TBL1X: variants seen among roughly 807,000 people sequenced by gnomAD.
TBL1X encodes F-box-like/WD repeat-containing protein TBL1X.
In TBL1X, 10 loss-of-function variants were observed where a neutral mutation model predicts 50.7. The ratio of observed to expected loss-of-function variants is 0.20; its 90% confidence interval spans 0.12 to 0.33. The LOEUF (loss-of-function observed/expected upper bound fraction) is 0.33. TBL1X is among the 10% of genes least tolerant of loss of function. The pLI is 1.00. For synonymous variants in TBL1X, 190 were observed against 214.7 expected, an observed-to-expected ratio of 0.88 and a Z score of 1.01; for missense variants, 340 against 504.4, an observed-to-expected ratio of 0.67 and a Z score of 3.12.
At chrX:9,626,133 A>G (rs1391309011) in intron 2 of TBL1X, among the ~76,000 whole-genome samples, 1 of 111,223 alleles carries the variant, frequency 9.0e-6, no homozygotes, top group Non-Finnish European at 1.9e-5. Context: ...CTCATGTAAC[A>G]CGAAGCATGA....
Position 9,653,621 on chromosome X carries a change from G to C in TBL1X, c.35G>C (p.Cys12Ser). 8.5e-7 allele frequency: 1 copy of C among 1,173,080 alleles called. No homozygotes were observed. The highest frequency in any genetic ancestry group is 1.1e-6 in the Non-Finnish European group (1 of 875,677). Residue 12 changes from cysteine (C) to serine (S), a missense_variant, in exon 4 of 18, where the codon TGC (cysteine) becomes TCC (serine). By Grantham distance (112) the Cys-to-Ser change is moderately radical. This residue lies in a region of TBL1X where 41 missense variants were observed against 48.6 expected (regional missense o/e 0.84). Transcript: ENST00000645353. ...CTCGCTGGCGCCTCTTCATCGTGCT[G>C]CCACCGCCCTGCAGGAAGAGGGGCC... ...TELAGASSSCCHRPAGRGAMQ... is the reference protein window; with the variant it reads ...TELAGASSSCSHRPAGRGAMQ...
intron 2 of TBL1X, among the ~76,000 whole-genome samples, chrX:9,561,746 C>T (rs1317522034): frequency 1.5e-4 from 17 of 111,792 alleles, no homozygotes; most frequent in Admixed American, 1.5e-3. Flanking sequence ...ATTTTTTTCC[C>T]TCTCTATAGA....
intron 5 of TBL1X, among the ~76,000 whole-genome samples, chrX:9,656,262 G>T (rs113403726): frequency 2.7e-5 from 3 of 112,251 alleles, no homozygotes; most frequent in African/African-American, 9.7e-5. Context: ...TCGACTTGTG[G>T]CATGGAATTT....
intron 2 of TBL1X, among the ~76,000 whole-genome samples, chrX:9,573,710 T>G (rs1328923387): frequency 3.6e-5 from 4 of 112,460 alleles, no homozygotes; most frequent in African/African-American, 1.3e-4. Context: ...GGCCGCAGAG[T>G]GGAGCTGGGC....
intron 2 of TBL1X, among the ~76,000 whole-genome samples, chrX:9,626,578 A>C (rs988698768): frequency 4.5e-5 from 5 of 112,354 alleles, no homozygotes; most frequent in African/African-American, 1.6e-4. Flanking sequence ...TTAATGAAAC[A>C]ATAGATTTCT....
intron 2 of TBL1X, among the ~76,000 whole-genome samples, chrX:9,544,546 A>G (rs185688625): frequency 3.6e-5 from 4 of 110,407 alleles, no homozygotes; most frequent in Non-Finnish European, 5.7e-5. Context: ...TTATTTTAAT[A>G]TTTTACTCAA....
intron 5 of TBL1X, among the ~76,000 whole-genome samples, chrX:9,660,015 T>C (rs2082888318): frequency 8.9e-6 from 1 of 112,450 alleles, no homozygotes; most frequent in Non-Finnish European, 1.9e-5. Context: ...GCCGTTGGTC[T>C]AACCTTCTGC....
intron 1 of TBL1X, among the ~76,000 whole-genome samples, chrX:9,493,907 T>A (rs986730884): frequency 1.8e-5 from 2 of 112,131 alleles, no homozygotes; most frequent in African/African-American, 6.5e-5. Flanking sequence ...CCTGATGCTG[T>A]CCCTAACCAC....
Position 9,470,305 on chromosome X carries a change from C to G in TBL1X, c.-201+4858C>G, listed in dbSNP as rs964377537. On this transcript the variant is annotated intron_variant, in intron 1 of 17. Transcript: ENST00000645353. ...TCTTTTATTTTGAGACGGAGTCTCA[C>G]TATGTCGCCCAGGGTAGAGTGCGGT... is the stretch of plus-strand genomic sequence containing the variant. 3.5e-5 allele frequency among the ~76,000 whole-genome samples: 4 copies of G among 113,020 alleles called. No homozygotes were observed. The East Asian group carries it at 1.1e-3, about 31-fold the overall frequency.
intron 1 of TBL1X, among the ~76,000 whole-genome samples, chrX:9,472,585 C>T (rs1379695599): frequency 9.1e-6 from 1 of 110,050 alleles, no homozygotes; most frequent in Non-Finnish European, 1.9e-5. Flanking sequence ...AGCTACTGTT[C>T]CTGGCCAACA....
chrX:9,659,012 A>G (rs2082881253), intron 5 of TBL1X, among the ~76,000 whole-genome samples: 1 of 111,474 alleles, frequency 9.0e-6, no homozygotes, highest in Admixed American at 9.5e-5. Context: ...ATTTGTAGAG[A>G]CAGGGTCTCA....
chrX:9,654,154 CAAAAA>C, intron 4 of TBL1X, 56 bp from the exon 5 acceptor site: 1 of 815,790 alleles, frequency 1.2e-6, no homozygotes, highest in Non-Finnish European at 1.7e-6. Flanking sequence ...TTAGTCATCT[CAAAAA>C]AAAAAAAGAG....
intron 1 of TBL1X, among the ~76,000 whole-genome samples, chrX:9,491,452 C>T (rs925355212): frequency 5.8e-5 from 6 of 104,165 alleles, no homozygotes; most frequent in South Asian, 4.6e-4. Flanking sequence ...GTGATTTTCC[C>T]GCCTCAGCCA....
chrX:9,553,061 G>A (rs1284730877), intron 2 of TBL1X, among the ~76,000 whole-genome samples: 1 of 111,431 alleles, frequency 9.0e-6, no homozygotes, highest in Non-Finnish European at 1.9e-5. Context: ...GAGGATTACT[G>A]AAGTCCAGGA....
chrX:9,709,627 C>T lies in TBL1X; in HGVS notation c.1312-6C>T. On this transcript the variant is annotated splice_polypyrimidine_tract_variant and splice_region_variant and intron_variant, in intron 14 of 17. Coordinates refer to ENST00000645353, the MANE Select transcript of TBL1X (RefSeq NM_005647.4). ...TTGCTCATGTTGTGTCTGGTGTGTT[C>T]TGTAGATCTGGAGCATGAAACAGGA... The T allele has an allele frequency of 2.5e-6, 3 of 1,209,598 alleles. No homozygotes were observed. Among genetic ancestry groups the T allele is most frequent in the Non-Finnish European group, 3.4e-6 (3 of 894,521 alleles).
chrX:9,710,236 A>C (rs1467393840), intron 15 of TBL1X, among the ~76,000 whole-genome samples: 54 of 83,821 alleles, frequency 6.4e-4, no homozygotes, highest in African/African-American at 2.5e-3. Context: ...AAAAAAAAAA[A>C]CAGAAGAAGA....
chrX:9,705,723 TAAA>T (rs34666783), intron 13 of TBL1X, among the ~76,000 whole-genome samples: 4 of 78,238 alleles, frequency 5.1e-5, no homozygotes, highest in Admixed American at 1.5e-4. Flanking sequence ...CTTGTCTCTT[TAAA>T]AAAAAAAAAA....
intron 2 of TBL1X, among the ~76,000 whole-genome samples, chrX:9,620,094 G>T (rs1601798432): frequency 1.8e-5 from 2 of 112,262 alleles, no homozygotes; most frequent in Admixed American, 9.4e-5. Flanking sequence ...CCCACAGCAA[G>T]CCCATCTGCT....
chrX:9,676,128 C>T (rs2082992764), intron 5 of TBL1X, among the ~76,000 whole-genome samples: 1 of 112,198 alleles, frequency 8.9e-6, no homozygotes, highest in South Asian at 3.7e-4. Context: ...TGCTGTCTTC[C>T]AATTTCCAAA....
Sources: allele counts gnomAD v4.1 joint callset (sites outside exome capture counted in the v4.1 genomes callset), GRCh38; gene constraint gnomAD v4.1.1; regional missense constraint gnomAD v4.1.1; transcripts MANE v1.5; gene names NCBI Gene and HGNC (gene_info 2026-07-23, HGNC 2026-07-21).